PHF21B: variants seen among roughly 807,000 people sequenced by gnomAD.
PHF21B encodes PHD finger protein 4.
In PHF21B, 22 loss-of-function variants were observed where a neutral mutation model predicts 62.2. That is an observed-to-expected ratio of 0.35 (90% CI 0.25 to 0.51). The LOEUF (loss-of-function observed/expected upper bound fraction) is 0.51. PHF21B is among the 20% of genes least tolerant of loss of function. The pLI, the probability that PHF21B is intolerant of heterozygous loss-of-function variation, is 0.97. For missense variants in PHF21B, 701 were observed against 707.9 expected, an observed-to-expected ratio of 0.99 and a Z score of 0.11; for synonymous variants, 341 against 314.7, an observed-to-expected ratio of 1.08 and a Z score of -0.88.
intron 2 of PHF21B, among the ~76,000 whole-genome samples, chr22:44,928,680 G>C (rs1222801675): frequency 6.6e-6 from 1 of 152,228 alleles, no homozygotes; most frequent in Admixed American, 6.5e-5. Context: ...AAAGTGCTGG[G>C]ATTAGAGGCA....
intron 2 of PHF21B, among the ~76,000 whole-genome samples, chr22:44,923,451 A>C (rs2071573723): frequency 6.6e-6 from 1 of 152,194 alleles, no homozygotes. Context: ...ATGTTAGGTC[A>C]GGCAAAGAAT....
rs1037613353 is a variant in PHF21B, at chr22:44,887,969, C to G, written c.1191G>C (p.Gln397His). 2.6e-6 allele frequency: 4 copies of G among 1,527,234 alleles called. No individual in the cohort carries two copies. Among genetic ancestry groups the G allele is most frequent in the Non-Finnish European group, 3.5e-6 (4 of 1,136,014 alleles). 94.6% of individuals were successfully genotyped at this position (1,527,234 alleles called of 1,614,324 possible). A position where few individuals can be genotyped will look rare whatever the true frequency, so the allele number is the denominator to read the frequency against. Residue 397 changes from glutamine to histidine, a missense_variant, in exon 10 of 13, where the codon CAG (glutamine) becomes CAC (histidine). Transcript: ENST00000313237. ...GTCACACAGCCTCCTGTACCTTCTG[C>G]TGGCACCTGGGGCACACCCACACGC... ...PKGVWVCPRC[Q>H]QKALKKDEGV... is the part of the protein sequence containing the mutation.
Position 44,882,436 on chromosome 22 carries a change from C to T in PHF21B, c.*650G>A, listed in dbSNP as rs1265454748. On this transcript the variant is annotated 3_prime_UTR_variant, in exon 13 of 13. Coordinates refer to ENST00000313237, the MANE Select transcript of PHF21B (RefSeq NM_138415.5). ...AGCGTCCCGGCGCCCAGATGCTCAC[C>T]TCCGACAGTGTCTTTCAAGTTAAAC... 2 of 152,800 alleles carry T rather than the reference C, an allele frequency of 1.3e-5. No individual in the cohort carries two copies. The highest frequency in any genetic ancestry group is 4.8e-5 in the African/African-American group (2 of 41,446). The allele number at this position is 152,800 out of a possible 1,614,324, so 9.5% of individuals were successfully genotyped here.
At position 44,882,116 on chromosome 22, in the gene PHF21B, A is replaced by G. The variant is rs1232714185; in HGVS notation, c.*970T>C. ...AAACGCCATACAAAAGTGTGAAGTTATTTTTTGGCATAGTGTCTGCACTGG... is the reference window on the plus strand; with the variant it reads ...AAACGCCATACAAAAGTGTGAAGTTGTTTTTTGGCATAGTGTCTGCACTGG... On this transcript the variant is annotated 3_prime_UTR_variant, in exon 13 of 13. Coordinates refer to ENST00000313237, the MANE Select transcript of PHF21B (RefSeq NM_138415.5). 1 of 152,734 alleles carries G rather than the reference A, an allele frequency of 6.5e-6. No homozygotes were observed. The highest frequency in any genetic ancestry group is 2.4e-5 in the African/African-American group (1 of 41,452). The allele number at this position is 152,734 out of a possible 1,614,324, so 9.5% of individuals were successfully genotyped here. A position where few individuals can be genotyped will look rare whatever the true frequency, so the allele number is the denominator to read the frequency against.
chr22:44,929,549 G>T (rs1413636271), intron 2 of PHF21B, among the ~76,000 whole-genome samples: 2 of 152,160 alleles, frequency 1.3e-5, no homozygotes, highest in African/African-American at 4.8e-5. Flanking sequence ...ACCACCATGG[G>T]GAGGCCAACC....
intron 2 of PHF21B, among the ~76,000 whole-genome samples, chr22:44,989,990 CT>C (rs2147502237): frequency 6.6e-6 from 1 of 152,350 alleles, no homozygotes; most frequent in South Asian, 2.1e-4. Flanking sequence ...CACAGGCACG[CT>C]CTTCATAAAG....
At chr22:44,944,377 A>G (rs1208451140) in intron 2 of PHF21B, among the ~76,000 whole-genome samples, 1 of 152,184 alleles carries the variant, frequency 6.6e-6, no homozygotes, top group Non-Finnish European at 1.5e-5. Flanking sequence ...GCACTATGGC[A>G]TGCTCACCTC....
chr22:44,934,976 A>T (rs1332234871), intron 2 of PHF21B, among the ~76,000 whole-genome samples: 1 of 152,112 alleles, frequency 6.6e-6, no homozygotes, highest in East Asian at 1.9e-4. Flanking sequence ...TAGGCTTTGG[A>T]GAGGAGGACA....
rs142995108 is a variant in PHF21B at position 44,974,907 on chromosome 22, T to C, written c.120+33638A>G. Reference sequence around the variant, plus strand: ...ATTAATACCACTCAGTACCCAATCATTGAACAAGCAGATCAAAATGAAATG... The same window carrying C: ...ATTAATACCACTCAGTACCCAATCACTGAACAAGCAGATCAAAATGAAATG... On this transcript the variant is annotated intron_variant, in intron 2 of 12. Coordinates refer to ENST00000313237, the MANE Select transcript of PHF21B (RefSeq NM_138415.5). 3.5e-3 allele frequency among the ~76,000 whole-genome samples: 533 copies of C among 152,354 alleles called. 10 individuals carry two copies. Among genetic ancestry groups the C allele is most frequent in the Admixed American group, 0.029 (450 of 15,304 alleles).
chr22:45,004,168 G>A (rs1374072639), intron 2 of PHF21B, among the ~76,000 whole-genome samples: 1 of 152,170 alleles, frequency 6.6e-6, no homozygotes, highest in Non-Finnish European at 1.5e-5. Context: ...AGTGAAGGCT[G>A]TACAGATCTG....
intron 5 of PHF21B, among the ~76,000 whole-genome samples, chr22:44,902,731 A>T (rs114740925): frequency 0.038 from 5,788 of 152,194 alleles, 310 homozygotes; most frequent in African/African-American, 0.12. Flanking sequence ...AGTTTTTTTT[A>T]AAAAATCACA....
At chr22:44,967,247 G>C (rs1293579778) in intron 2 of PHF21B, 1 of 138,440 alleles carries the variant, frequency 7.2e-6, no homozygotes, top group Non-Finnish European at 1.5e-5. Flanking sequence ...TTGAGATGGA[G>C]TCTTGCTCTG....
At chr22:44,946,177 C>T (rs1320311163) in intron 2 of PHF21B, among the ~76,000 whole-genome samples, 2 of 152,040 alleles carry the variant, frequency 1.3e-5, no homozygotes, top group South Asian at 2.1e-4. Flanking sequence ...AGGTGCACTG[C>T]GGCAGAGCCC....
rs1044698481 is a variant in PHF21B, at chr22:44,957,394, T to C, written c.121-36904A>G. Among the ~76,000 whole-genome samples, 5 of 152,240 alleles carry C rather than the reference T, an allele frequency of 3.3e-5. No individual in the cohort carries two copies. In the East Asian group the frequency reaches 7.7e-4, roughly 23 times the overall value. On this transcript the variant is annotated intron_variant, in intron 2 of 12. Transcript: ENST00000313237. Reference sequence around the variant, plus strand: ...GACTGTAGAAGGAGTGAGAGAGACCTGGGCTGCCGCACAGGGCTGGCATGC... The same window carrying C: ...GACTGTAGAAGGAGTGAGAGAGACCCGGGCTGCCGCACAGGGCTGGCATGC...
At chr22:44,921,259 A>G (rs1218046519) in intron 2 of PHF21B, among the ~76,000 whole-genome samples, 1 of 152,212 alleles carries the variant, frequency 6.6e-6, no homozygotes, top group East Asian at 1.9e-4. Flanking sequence ...TTCCAGGCCC[A>G]CACGCGTACA....
In PHF21B at chr22:45,008,536, A is replaced by G; in HGVS notation, c.120+9T>C. 1.3e-6 allele frequency: 2 copies of G among 1,569,376 alleles called. No homozygotes were observed. The highest frequency in any genetic ancestry group is 1.7e-6 in the Non-Finnish European group (2 of 1,156,516). On this transcript the variant is annotated intron_variant, in intron 2 of 12. Transcript: ENST00000313237. ...CCATCCCAGGGGGGGCCGCGATCCC[A>G]TCGCTTACTTGTTTGTCGCTGAGCG...
chr22:44,895,283 C>T (rs1185680408), intron 6 of PHF21B, among the ~76,000 whole-genome samples: 3 of 152,056 alleles, frequency 2.0e-5, no homozygotes, highest in East Asian at 3.9e-4. Context: ...TCGAGGCTTC[C>T]CAGGCCCTAA....
chr22:44,986,750 G>A (rs1167194595), intron 2 of PHF21B, among the ~76,000 whole-genome samples: 1 of 152,134 alleles, frequency 6.6e-6, no homozygotes, highest in Non-Finnish European at 1.5e-5. Flanking sequence ...TGGAGCCCCA[G>A]ATGCCTCCCA....
chr22:44,913,676 A>G (rs575631736), intron 5 of PHF21B, 146 bp downstream of exon 5: 94 of 1,209,414 alleles, frequency 7.8e-5, no homozygotes, highest in Non-Finnish European at 1.0e-4. Flanking sequence ...GCGAGGCCCC[A>G]TCCTGGTCGC....
Sources: allele counts gnomAD v4.1 joint callset (sites outside exome capture counted in the v4.1 genomes callset), GRCh38; gene constraint gnomAD v4.1.1; transcripts MANE v1.5; gene names NCBI Gene and HGNC (gene_info 2026-07-23, HGNC 2026-07-21).